SFMBT2: variants seen among roughly 807,000 people sequenced by gnomAD.
SFMBT2 encodes the protein scm-like with four MBT domains protein 2.
A neutral mutation model predicts 110.1 loss-of-function variants in SFMBT2; 38 were observed. The observed-to-expected ratio is 0.35, with a 90% CI of 0.27 to 0.45. SFMBT2 has a LOEUF of 0.45. Ranked by LOEUF, SFMBT2 falls within the 20% of genes least tolerant of loss-of-function variation. The probability of loss-of-function intolerance (pLI) is 1.00; values close to 1 mark genes in which losing one functional copy is unlikely to be tolerated. For missense variants in SFMBT2, 1,011 were observed against 1,094.9 expected (o/e 0.92, Z 1.08); for synonymous variants, 425 against 425.4 (o/e 1.00, Z 0.01).
At position 7,185,022 on chromosome 10, in the gene SFMBT2, T is replaced by C. The variant is rs1317361059; in HGVS notation, c.1808+3602A>G. Among the ~76,000 whole-genome samples, 5 of 152,198 alleles carry C rather than the reference T, an allele frequency of 3.3e-5. No individual in the cohort carries two copies. In the East Asian group the frequency reaches 5.8e-4, roughly 18 times the overall value. ...AGAATGGGTCACTGGTTTTCAGCCT[T>C]AGGACACCCAAACTCCTCAGAAATT... On this transcript the variant is annotated intron_variant, in intron 16 of 20. Transcript: ENST00000397167.
chr10:7,200,350 A>T, intron 14 of SFMBT2, 64 bp downstream of exon 14: 1 of 1,298,636 alleles, frequency 7.7e-7, no homozygotes, highest in Non-Finnish European at 1.0e-6. Context: ...AGAAACCTAT[A>T]CATGTCTCTG....
At chr10:7,166,391 CG>C (rs938587681) in intron 20 of SFMBT2, among the ~76,000 whole-genome samples, 9 of 152,206 alleles carry the variant, frequency 5.9e-5, no homozygotes, top group African/African-American at 2.2e-4. Context: ...ACTATCAGCA[CG>C]AAAATATTCG....
At chr10:7,288,971 C>T (rs1321266738) in intron 4 of SFMBT2, among the ~76,000 whole-genome samples, 1 of 149,162 alleles carries the variant, frequency 6.7e-6, no homozygotes, top group Non-Finnish European at 1.5e-5. Flanking sequence ...CTAGCCTGGG[C>T]GACAGAGCGA....
chr10:7,368,108 T>C (rs1844961121), intron 3 of SFMBT2, among the ~76,000 whole-genome samples: 1 of 152,204 alleles, frequency 6.6e-6, no homozygotes, highest in Non-Finnish European at 1.5e-5. Context: ...AGAATAAATT[T>C]AATTCTAACA....
rs1844956037 is a variant in SFMBT2, at chr10:7,367,911, A to G, written c.196-22T>C. The G allele has an allele frequency of 6.2e-7, 1 of 1,612,666 alleles. No homozygotes were observed. Among genetic ancestry groups the G allele is most frequent in the East Asian group, 2.2e-5 (1 of 44,872 alleles). ...CAACCTTAAGGAATCAGAAATAGAGAAAACCCATTACTACACTAGACACAA... is the reference window on the plus strand; with the variant it reads ...CAACCTTAAGGAATCAGAAATAGAGGAAACCCATTACTACACTAGACACAA... On this transcript the variant is annotated intron_variant, in intron 3 of 20. Coordinates refer to ENST00000397167, the MANE Select transcript of SFMBT2 (RefSeq NM_001387889.1). The surrounding 1 kb of genome is among the most constrained non-coding windows in gnomAD (Gnocchi z 6.2).
chr10:7,276,629 A>G (rs1289983863), intron 7 of SFMBT2, among the ~76,000 whole-genome samples: 1 of 152,092 alleles, frequency 6.6e-6, no homozygotes, highest in East Asian at 1.9e-4. Flanking sequence ...CCCCAGTTCA[A>G]GCAATTCTCC....
rs778833094 is a variant in SFMBT2 at position 7,171,570 on chromosome 10, G to A, written c.2415+325C>T. ...GGAGCAAGACACAGCGCAGTCAGGG[G>A]AGATGCGGGGAAGGAATTTCTGGAA... On this transcript the variant is annotated intron_variant, in intron 19 of 20. Transcript: ENST00000397167. The surrounding 1 kb of genome is among the most constrained non-coding windows in gnomAD (Gnocchi z 4.9). 6 of 985,286 alleles carry A rather than the reference G, an allele frequency of 6.1e-6. No homozygotes were observed. The highest frequency in any genetic ancestry group is 1.1e-4 in the East Asian group (1 of 8,822). 61.0% of individuals were successfully genotyped at this position (985,286 alleles called of 1,614,324 possible).
rs1298673981 is a variant in SFMBT2 at position 7,197,563 on chromosome 10, C to A, written c.1683G>T (p.Val561=). ...CGGGCTTTACCTCTTTAAGAACCAGCACGCATTTGCCCGGTCCCACCGACT... is the reference window on the plus strand; with the variant it reads ...CGGGCTTTACCTCTTTAAGAACCAGAACGCATTTGCCCGGTCCCACCGACT... ...LPQSVGPGKC[V]LVLKEVLSMI... The change falls in exon 15 of 21, where the codon GTG becomes GTT. Residue 561 remains valine (V), a synonymous_variant. Transcript: ENST00000397167. 2 of 1,614,128 alleles carry A rather than the reference C, an allele frequency of 1.2e-6. No homozygotes were observed. The highest frequency in any genetic ancestry group is 1.7e-6 in the Non-Finnish European group (2 of 1,180,002).
intron 20 of SFMBT2, among the ~76,000 whole-genome samples, chr10:7,168,215 C>G (rs1361914146): frequency 1.3e-5 from 2 of 152,176 alleles, no homozygotes; most frequent in South Asian, 2.1e-4. Context: ...AGACTCAATA[C>G]TTTAGGCTTT....
At chr10:7,241,423 T>C (rs1179114398) in intron 9 of SFMBT2, 54 of 740,570 alleles carry the variant, frequency 7.3e-5, no homozygotes, top group Non-Finnish European at 8.6e-5. Flanking sequence ...TGTATTTGCA[T>C]ATAATATCCA....
chr10:7,321,326 T>C (rs984499002), intron 4 of SFMBT2, among the ~76,000 whole-genome samples: 1 of 151,530 alleles, frequency 6.6e-6, no homozygotes, highest in African/African-American at 2.4e-5. Context: ...CTCAGCCTCC[T>C]GAGTAGCTGG....
intron 5 of SFMBT2, chr10:7,285,625 T>C (rs1389141708): frequency 1.9e-5 from 9 of 461,604 alleles, no homozygotes; most frequent in Non-Finnish European, 3.2e-5. Flanking sequence ...GATTTAAAAA[T>C]TGGATTCACA....
intron 9 of SFMBT2, among the ~76,000 whole-genome samples, chr10:7,233,544 T>C (rs10905122): frequency 0.26 from 39,557 of 152,182 alleles, 5,346 homozygotes; most frequent in South Asian, 0.38. Flanking sequence ...CCACCTCCCT[T>C]GGAAAGGAAA....
intron 17 of SFMBT2, 30 bp downstream of exon 17, chr10:7,175,960 T>G: frequency 6.3e-7 from 1 of 1,593,900 alleles, no homozygotes; most frequent in Non-Finnish European, 8.6e-7. Context: ...TCTGGGCTCA[T>G]GCATTTCTTT....
intron 15 of SFMBT2, among the ~76,000 whole-genome samples, chr10:7,194,358 T>A (rs942433): frequency 2.0e-3 from 307 of 152,086 alleles, no homozygotes; most frequent in Non-Finnish European, 3.5e-3. Context: ...AACTTCGTCC[T>A]CTCTTATAAA....
In SFMBT2 at chr10:7,196,192, A is replaced by G. The variant is rs1026265859; in HGVS notation, c.1698+1356T>C. ...TCAAGTCCAAATCACTTAAAATATC[A>G]GAGAAGGCCTTTCACAAGCAGGCCC... On this transcript the variant is annotated intron_variant, in intron 15 of 20. Coordinates refer to ENST00000397167, the MANE Select transcript of SFMBT2 (RefSeq NM_001387889.1). 2.6e-5 allele frequency among the ~76,000 whole-genome samples: 4 copies of G among 152,172 alleles called. No homozygotes were observed. The East Asian group carries it at 7.7e-4, about 29-fold the overall frequency.
chr10:7,400,280 C>T (rs186891846), intron 1 of SFMBT2, among the ~76,000 whole-genome samples: 12 of 152,314 alleles, frequency 7.9e-5, no homozygotes, highest in Admixed American at 5.9e-4. Context: ...CTCTGGGAAG[C>T]GCACAGCACA....
chr10:7,259,018 C>T (rs1216585969), intron 7 of SFMBT2, among the ~76,000 whole-genome samples: 1 of 152,082 alleles, frequency 6.6e-6, no homozygotes, highest in Non-Finnish European at 1.5e-5. Flanking sequence ...AATTTAGGAC[C>T]GTAGTATCAT....
chr10:7,269,758 G>GTGTC (rs1312252363), intron 7 of SFMBT2, among the ~76,000 whole-genome samples: 4 of 141,720 alleles, frequency 2.8e-5, no homozygotes, highest in Non-Finnish European at 6.2e-5. Flanking sequence ...GTGTGTGTGT[G>GTGTC]TCTCTTTTTG....
Sources: gnomAD v4.1 joint callset for allele counts (sites outside exome capture counted in the v4.1 genomes callset) on GRCh38, gnomAD v4.1.1 for gene constraint, Gnocchi (gnomAD v3.1) non-coding constraint, MANE v1.5 for transcripts, NCBI Gene and HGNC (gene_info 2026-07-23, HGNC 2026-07-21) for gene names.